PLAGL1: variants seen among roughly 807,000 people sequenced by gnomAD.
PLAGL1 encodes PLAG1 like zinc finger 1, also known as zinc finger protein PLAGL1.
In PLAGL1, 1 loss-of-function variant was observed where a neutral mutation model predicts 4.6. That is an observed-to-expected ratio of 0.22 (90% confidence interval 0.08 to 1.03). The LOEUF is 1.03. Among genes scored for constraint, PLAGL1 ranks in the 50% least tolerant of loss-of-function variants. PLAGL1 has a pLI of 0.58. For missense variants in PLAGL1, 464 were observed against 570.4 expected (o/e 0.81, Z 1.90); for synonymous variants, 240 against 237.8 (o/e 1.01, Z -0.08).
At position 144,039,877 on chromosome 6, in the gene PLAGL1, AAATT is replaced by A. The variant is rs1797589136; in HGVS notation, c.-151+24587_-151+24590del. ...AAGGCCAAAAGGTCTATCAACAAGAAAATTAATACATTGTGGCACATAATGGCAT... is the reference window on the plus strand; with the variant it reads ...AAGGCCAAAAGGTCTATCAACAAGAAAATACATTGTGGCACATAATGGCAT... On this transcript the variant is annotated intron_variant, in intron 1 of 3. Transcript: ENST00000437412. The surrounding 1 kb of genome is among the most constrained non-coding windows in gnomAD (Gnocchi z 4.1). Among the ~76,000 whole-genome samples, 1 of 152,220 alleles carries A rather than the reference AAATT, an allele frequency of 6.6e-6. No homozygotes were observed. The highest frequency in any genetic ancestry group is 2.1e-4 in the South Asian group (1 of 4,832).
At position 143,992,308 on chromosome 6, in the gene PLAGL1, G is replaced by A. The variant is rs529447217; in HGVS notation, c.-583-7134C>T. Among the ~76,000 whole-genome samples the A allele has an allele frequency of 2.6e-5, 4 of 152,312 alleles. No individual in the cohort carries two copies. In the South Asian group the frequency reaches 6.2e-4, roughly 24 times the overall value. ...GTTCCAGAAAGTGTACAATGACAAA[G>A]GTGGTACAATCACAGGCTTGAGTCT... On this transcript the variant is annotated intron_variant, in intron 1 of 7. Coordinates refer to ENST00000674357, the MANE Select transcript of PLAGL1 (RefSeq NM_001317162.2).
intron 1 of PLAGL1, among the ~76,000 whole-genome samples, chr6:143,999,137 A>C (rs56211878): frequency 0.15 from 22,078 of 152,192 alleles, 2,100 homozygotes; most frequent in Admixed American, 0.26. Flanking sequence ...CAGGAAGGAA[A>C]GATATTAGAA....
chr6:144,020,896 TAATATA>T (rs1202434446), intron 1 of PLAGL1, among the ~76,000 whole-genome samples: 2 of 146,858 alleles, frequency 1.4e-5, no homozygotes, highest in African/African-American at 4.9e-5. Context: ...ATATAATTTA[TAATATA>T]AATATATTTA....
At position 143,965,060 on chromosome 6, in the gene PLAGL1, GA is replaced by G. The variant is rs1282892288; in HGVS notation, c.-430-243del. The G allele has an allele frequency of 6.6e-6, 1 of 152,168 alleles. No individual in the cohort carries two copies. Among genetic ancestry groups the G allele is most frequent in the African/African-American group, 2.4e-5 (1 of 41,432 alleles). 9.4% of individuals were successfully genotyped at this position (152,168 alleles called of 1,614,324 possible). A position where few individuals can be genotyped will look rare whatever the true frequency, so the allele number is the denominator to read the frequency against. The stretch of plus-strand genomic sequence containing the variant: ...TGGCTGATTTCCATAAGATGGAAAT[GA>G]TTGCATGCTGGAAACTGAGATGCTT... On this transcript the variant is annotated intron_variant, in intron 4 of 7. Coordinates refer to ENST00000674357, the MANE Select transcript of PLAGL1 (RefSeq NM_001317162.2). This position sits in a 1 kb window ranked among gnomAD's most constrained non-coding sequence, Gnocchi z 7.5.
chr6:143,993,644 T>C (rs1219909294), intron 1 of PLAGL1, among the ~76,000 whole-genome samples: 1 of 152,142 alleles, frequency 6.6e-6, no homozygotes, highest in Non-Finnish European at 1.5e-5. Context: ...CGTTAAATCT[T>C]TTCATGTGGA....
intron 1 of PLAGL1, among the ~76,000 whole-genome samples, chr6:144,003,623 C>CA (rs371417312): frequency 0.7 from 82,827 of 117,952 alleles, 28,992 homozygotes; most frequent in Admixed American, 0.77. Context: ...GACTCCATCT[C>CA]AAAAAAAAAA....
In PLAGL1 at chr6:143,983,930, G is replaced by T. The variant is rs550873058; in HGVS notation, c.-544+1205C>A. ...TTGAAGGAGAGGAAATCAAGAAACC[G>T]AGAAGCCAGGCTGTTAAGACTCTAC... On this transcript the variant is annotated intron_variant, in intron 2 of 7. Coordinates refer to ENST00000674357, the MANE Select transcript of PLAGL1 (RefSeq NM_001317162.2). This position sits in a 1 kb window ranked among gnomAD's most constrained non-coding sequence, Gnocchi z 6.6. Among the ~76,000 whole-genome samples, 4 of 152,062 alleles carry T rather than the reference G, an allele frequency of 2.6e-5. No homozygotes were observed. Among genetic ancestry groups the T allele is most frequent in the Non-Finnish European group, 4.4e-5 (3 of 67,976 alleles).
Position 144,059,167 on chromosome 6 carries a change from T to C in PLAGL1, c.-151+5301A>G, listed in dbSNP as rs1255292396. Among the ~76,000 whole-genome samples, 1 of 152,226 alleles carries C rather than the reference T, an allele frequency of 6.6e-6. No homozygotes were observed. The highest frequency in any genetic ancestry group is 1.5e-5 in the Non-Finnish European group (1 of 68,034). On this transcript the variant is annotated intron_variant, in intron 1 of 3. Coordinates refer to the PLAGL1 transcript ENST00000437412. This position sits in a 1 kb window ranked among gnomAD's most constrained non-coding sequence, Gnocchi z 4.9. ...AAGCCTCCTTCATTCCTGCATTCCA[T>C]GCACCCACAGGAAGCTGCTAAGGCT...
Position 144,004,057 on chromosome 6 carries a change from G to A in PLAGL1, c.-584+4033C>T, listed in dbSNP as rs186980719. Among the ~76,000 whole-genome samples the A allele has an allele frequency of 1.3e-4, 20 of 152,294 alleles. No homozygotes were observed. In the East Asian group the frequency reaches 1.7e-3, roughly 13 times the overall value. ...TTATATATCCACATAATGTAATACCGTAGAAGAGGTGTCAATAAATTTTTT... is the reference window on the plus strand; with the variant it reads ...TTATATATCCACATAATGTAATACCATAGAAGAGGTGTCAATAAATTTTTT... On this transcript the variant is annotated intron_variant, in intron 1 of 7. Coordinates refer to ENST00000674357, the MANE Select transcript of PLAGL1 (RefSeq NM_001317162.2). This position sits in a 1 kb window ranked among gnomAD's most constrained non-coding sequence, Gnocchi z 4.2.
rs2128591529 is a variant in PLAGL1, at chr6:143,975,763, A to C, written c.-543-6785T>G. On this transcript the variant is annotated intron_variant, in intron 2 of 7. Transcript: ENST00000674357. This position sits in a 1 kb window ranked among gnomAD's most constrained non-coding sequence, Gnocchi z 5.8. ...AATTGAAGTGTCGTTTTAAAAGGCT[A>C]ATTGAGGCAAATCCTTGCTACTATA... 6.6e-6 allele frequency among the ~76,000 whole-genome samples: 1 copy of C among 152,334 alleles called. No homozygotes were observed.
intron 1 of PLAGL1, among the ~76,000 whole-genome samples, chr6:143,996,069 G>A (rs910721623): frequency 2.0e-5 from 3 of 152,108 alleles, no homozygotes; most frequent in African/African-American, 4.8e-5. Context: ...GAGCCACATC[G>A]TGCTTTAAAT....
intron 1 of PLAGL1, among the ~76,000 whole-genome samples, chr6:144,028,041 T>C (rs1187393102): frequency 6.6e-6 from 1 of 152,212 alleles, no homozygotes; most frequent in East Asian, 1.9e-4. Flanking sequence ...CTCAAACAAT[T>C]TAAATAATGG....
At chr6:144,044,460 T>C (rs1039969814) in intron 1 of PLAGL1, among the ~76,000 whole-genome samples, 13 of 152,214 alleles carry the variant, frequency 8.5e-5, no homozygotes, top group African/African-American at 1.4e-4. Context: ...AGGAGCAGGT[T>C]GTTCAGTTTC....
Position 143,973,177 on chromosome 6 carries a change from T to G in PLAGL1, c.-543-4199A>C, listed in dbSNP as rs539911270. Among the ~76,000 whole-genome samples, 1 of 152,304 alleles carries G rather than the reference T, an allele frequency of 6.6e-6. No individual in the cohort carries two copies. The highest frequency in any genetic ancestry group is 2.4e-5 in the African/African-American group (1 of 41,560). Reference sequence around the variant, plus strand: ...AAGCTAGTTAGGCAGAGCCATTCATTCCTTCAGGAAAACAGGGCATTGATT... The same window carrying G: ...AAGCTAGTTAGGCAGAGCCATTCATGCCTTCAGGAAAACAGGGCATTGATT... On this transcript the variant is annotated intron_variant, in intron 2 of 7. Transcript: ENST00000674357. The surrounding 1 kb of genome is among the most constrained non-coding windows in gnomAD (Gnocchi z 6.2).
rs1232743004 is a variant in PLAGL1 at position 143,994,846 on chromosome 6, C to A, written c.-583-9672G>T. On this transcript the variant is annotated intron_variant, in intron 1 of 7. Coordinates refer to ENST00000674357, the MANE Select transcript of PLAGL1 (RefSeq NM_001317162.2). This position sits in a 1 kb window ranked among gnomAD's most constrained non-coding sequence, Gnocchi z 4.3. ...TCCAATTAAAATTCTCATTATAATA[C>A]ATGTCAGTTTCTGATGTGTTTGCTC... 6.6e-6 allele frequency among the ~76,000 whole-genome samples: 1 copy of A among 152,168 alleles called. No homozygotes were observed. Among genetic ancestry groups the A allele is most frequent in the African/African-American group, 2.4e-5 (1 of 41,432 alleles).
In PLAGL1 at chr6:143,949,585, A is replaced by C. The variant is rs2128523532; in HGVS notation, c.-324-1125T>G. Among the ~76,000 whole-genome samples, 1 of 151,992 alleles carries C rather than the reference A, an allele frequency of 6.6e-6. No individual in the cohort carries two copies. Among genetic ancestry groups the C allele is most frequent in the Middle Eastern group, 3.4e-3 (1 of 294 alleles). On this transcript the variant is annotated intron_variant, in intron 6 of 7. Coordinates refer to ENST00000674357, the MANE Select transcript of PLAGL1 (RefSeq NM_001317162.2). The surrounding 1 kb of genome is among the most constrained non-coding windows in gnomAD (Gnocchi z 5.3). Reference sequence around the variant, plus strand: ...CAGGGTAAAGCCCTGGATCACTACCACCCTGTGCTATTCTAGAGAGAGATT... The same window carrying C: ...CAGGGTAAAGCCCTGGATCACTACCCCCCTGTGCTATTCTAGAGAGAGATT...
chr6:143,984,644 C>A lies in PLAGL1; in HGVS notation c.-544+491G>T, dbSNP rs74939989. ...AAATCCTTGTTAAGTTACTTTGTAA[C>A]AATATTCTCCTCTCCTGCTAAGATG... On this transcript the variant is annotated intron_variant, in intron 2 of 7. Coordinates refer to ENST00000674357, the MANE Select transcript of PLAGL1 (RefSeq NM_001317162.2). This position sits in a 1 kb window ranked among gnomAD's most constrained non-coding sequence, Gnocchi z 5.5. Among the ~76,000 whole-genome samples the A allele has an allele frequency of 2.7e-3, 416 of 152,170 alleles. 2 individuals carry two copies. Among genetic ancestry groups the A allele is most frequent in the African/African-American group, 9.8e-3 (406 of 41,534 alleles).
rs1246343780 is a variant in PLAGL1, at chr6:144,013,890, G to T, written c.-150-44912C>A. 6.6e-6 allele frequency among the ~76,000 whole-genome samples: 1 copy of T among 152,112 alleles called. No individual in the cohort carries two copies. The highest frequency in any genetic ancestry group is 6.6e-5 in the Admixed American group (1 of 15,266). ...GCAAAGACCCTTTTATTCAACTCAG[G>T]TTACATTCTGAGATTCCAGAGATTA... On this transcript the variant is annotated intron_variant, in intron 1 of 3. Transcript: ENST00000437412. This position sits in a 1 kb window ranked among gnomAD's most constrained non-coding sequence, Gnocchi z 4.4.
rs1795489953 is a variant in PLAGL1 at position 144,015,213 on chromosome 6, T to C, written c.-150-46235A>G. On this transcript the variant is annotated intron_variant, in intron 1 of 3. Transcript: ENST00000437412. This position sits in a 1 kb window ranked among gnomAD's most constrained non-coding sequence, Gnocchi z 4.3. ...GTAAAATATCCTATTAATTTTTATA[T>C]TGATTACATGTTGAAATAATATTTT... 6.6e-6 allele frequency among the ~76,000 whole-genome samples: 1 copy of C among 152,242 alleles called. No individual in the cohort carries two copies. The highest frequency in any genetic ancestry group is 1.5e-5 in the Non-Finnish European group (1 of 68,036).
Sources: allele counts gnomAD v4.1 joint callset (sites outside exome capture counted in the v4.1 genomes callset), GRCh38; gene constraint gnomAD v4.1.1; non-coding constraint Gnocchi (gnomAD v3.1); transcripts MANE v1.5; gene names NCBI Gene and HGNC (gene_info 2026-07-23, HGNC 2026-07-21).